Variants in PLAU observed in about 807,000 individuals in gnomAD.
PLAU encodes plasminogen activator, urokinase.
In PLAU, 32 loss-of-function variants were observed where a neutral mutation model predicts 48.9. The observed-to-expected ratio is 0.65, with a 90% CI of 0.49 to 0.88. The LOEUF (loss-of-function observed/expected upper bound fraction) is 0.88, where lower values mean the gene tolerates loss of function less well. Among genes scored for constraint, PLAU ranks in the 40% least tolerant of loss-of-function variants. PLAU has a pLI of 0.00. For missense variants in PLAU, 455 were observed against 545.2 expected (o/e 0.83, Z 1.65); for synonymous variants, 199 against 205.7 (o/e 0.97, Z 0.28).
At chr10:73,913,194 G>C in intron 5 of PLAU, 96 bp downstream of exon 5, 1 of 1,574,678 alleles carries the variant, frequency 6.4e-7, no homozygotes, top group Non-Finnish European at 8.7e-7. Context: ...CATAGCACAA[G>C]AGAAGTGCGG....
intron 8 of PLAU, 57 bp downstream of exon 8, chr10:73,914,185 A>C: frequency 6.3e-7 from 1 of 1,587,446 alleles, no homozygotes; most frequent in Non-Finnish European, 8.6e-7. Context: ...AGTGGGACCC[A>C]GGGAGAGACT....
rs1321974743 is a variant in PLAU at position 73,916,535 on chromosome 10, C to T, written c.1266C>T (p.His422=). The T allele has an allele frequency of 1.2e-6, 2 of 1,613,430 alleles. No individual in the cohort carries two copies. The highest frequency in any genetic ancestry group is 3.4e-4 in the Middle Eastern group (2 of 5,914). ...VSHFLPWIRS[H]TKEENGLAL is the part of the protein sequence containing the mutation. The stretch of plus-strand genomic sequence containing the variant: ...ACTTCTTACCCTGGATCCGCAGTCA[C>T]ACCAAGGAAGAGAATGGCCTGGCCC... The change falls in exon 11 of 11, where the codon CAC becomes CAT. Residue 422 remains histidine, a synonymous_variant. Coordinates refer to ENST00000372764, the MANE Select transcript of PLAU (RefSeq NM_002658.6).
chr10:73,912,352 G>T (rs754283224), intron 4 of PLAU, 30 bp downstream of exon 4: 4 of 608,470 alleles, frequency 6.6e-6, no homozygotes, highest in South Asian at 4.2e-5. Flanking sequence ...AACTGGGAGA[G>T]AAATTTGGGG....
chr10:73,911,463 C>A (rs1475328203), intron 1 of PLAU, 62 bp from the exon 2 acceptor site: 10 of 1,497,700 alleles, frequency 6.7e-6, no homozygotes, highest in South Asian at 1.2e-5. Context: ...GCGCTGCAGT[C>A]GCCCGCCTGG....
chr10:73,913,946 G>A (rs2096130516), intron 7 of PLAU, 34 bp from the exon 8 acceptor site: 2 of 1,603,926 alleles, frequency 1.2e-6, no homozygotes, highest in Admixed American at 1.7e-5. Context: ...GATTTCATGG[G>A]ACTAAGCTGT....
chr10:73,908,989 G>T (rs991435772), upstream of PLAU, among the ~76,000 whole-genome samples: 3 of 149,890 alleles, frequency 2.0e-5, no homozygotes, highest in African/African-American at 7.5e-5. Flanking sequence ...AAAAAAAAAA[G>T]AACTGTGCAC....
chr10:73,915,552 T>C (rs994174194), intron 10 of PLAU, among the ~76,000 whole-genome samples, 153 bp downstream of exon 10: 1 of 152,152 alleles, frequency 6.6e-6, no homozygotes, highest in Non-Finnish European at 1.5e-5. Context: ...CCAGTCCTTA[T>C]GTGTTTGCCA....
upstream of PLAU, chr10:73,910,044 A>T (rs527342724): frequency 6.6e-6 from 1 of 152,356 alleles, no homozygotes; most frequent in Admixed American, 6.5e-5. Context: ...TCTATGATGA[A>T]GTAAAACACT....
At chr10:73,915,018 G>A in intron 9 of PLAU, 102 bp downstream of exon 9, 2 of 1,324,014 alleles carry the variant, frequency 1.5e-6, no homozygotes, top group Non-Finnish European at 2.1e-6. Context: ...AGAGGTGGGA[G>A]CACTGAGGCG....
chr10:73,915,909 T>C lies in PLAU; in HGVS notation c.1120-480T>C, dbSNP rs535144178. On this transcript the variant is annotated intron_variant, in intron 10 of 10. Transcript: ENST00000372764. ...GAATAGTGGCAGATGACAGGGCTTT[T>C]AAAGCCAAGCAGGGGATTTTAAACT... Among the ~76,000 whole-genome samples, 410 of 152,084 alleles carry C rather than the reference T, an allele frequency of 2.7e-3. 2 individuals are homozygous for C. The highest frequency in any genetic ancestry group is 9.4e-3 in the African/African-American group (390 of 41,484).
rs1166217984 is a variant in PLAU at position 73,916,441 on chromosome 10, CTGGAAT to C, written c.1175_1180del (p.Gly392_Ile393del). ...TCCCTCCAAGGCCGCATGACTTTGACTGGAATTGTGAGCTGGGGCCGTGGATGTGCC... is the reference window on the plus strand; with the variant it reads ...TCCCTCCAAGGCCGCATGACTTTGACTGTGAGCTGGGGCCGTGGATGTGCC... On this transcript the variant is annotated inframe_deletion, in exon 11 of 11. Transcript: ENST00000372764. 1 of 1,613,740 alleles carries C rather than the reference CTGGAAT, an allele frequency of 6.2e-7. No individual in the cohort carries two copies. The highest frequency in any genetic ancestry group is 8.5e-7 in the Non-Finnish European group (1 of 1,179,904).
chr10:73,915,192 C>T, intron 9 of PLAU, 59 bp from the exon 10 acceptor site: 1 of 1,530,502 alleles, frequency 6.5e-7, no homozygotes, highest in Non-Finnish European at 8.9e-7. Context: ...CCCTCTCTGG[C>T]AGACTCCCAG....
chr10:73,914,979 C>G (rs2096133410), intron 9 of PLAU, 63 bp downstream of exon 9: 1 of 1,561,964 alleles, frequency 6.4e-7, no homozygotes, highest in Non-Finnish European at 8.8e-7. Context: ...AAAATGAGCC[C>G]AGCGTGATCA....
chr10:73,911,124 GT>G (rs2096122790), upstream of PLAU: 1 of 179,286 alleles, frequency 5.6e-6, no homozygotes, highest in African/African-American at 2.4e-5. Context: ...GGCGCCGCGG[GT>G]CGCAGCACAG....
Position 73,912,126 on chromosome 10 carries a change from G to A in PLAU, c.85+58G>A. 3 of 1,608,590 alleles carry A rather than the reference G, an allele frequency of 1.9e-6. No homozygotes were observed. The East Asian group carries it at 6.7e-5, about 36-fold the overall frequency. On this transcript the variant is annotated intron_variant, in intron 3 of 10. Transcript: ENST00000372764. ...CAGACAAGTTGGGAAGGCTTCAGGG[G>A]ACATCCCCTCCCTGCCCTCTGCTGC... is the stretch of plus-strand genomic sequence containing the variant.
At chr10:73,914,651 A>G in intron 8 of PLAU, 125 bp from the exon 9 acceptor site, 2 of 883,306 alleles carry the variant, frequency 2.3e-6, no homozygotes, top group Non-Finnish European at 3.4e-6. Context: ...ATAAGCGACC[A>G]GCAGACCTCC....
At position 73,916,371 on chromosome 10, in the gene PLAU, G is replaced by T. The variant is rs774861031; in HGVS notation, c.1120-18G>T. On this transcript the variant is annotated intron_variant, in intron 10 of 10. Coordinates refer to ENST00000372764, the MANE Select transcript of PLAU (RefSeq NM_002658.6). ...CTCACTTCTCTAGGGCTCATCTTTT[G>T]TATCTTTGGCGTCACAGGGAGACTC... 9 of 1,608,448 alleles carry T rather than the reference G, an allele frequency of 5.6e-6. No individual in the cohort carries two copies. Among genetic ancestry groups the T allele is most frequent in the Non-Finnish European group, 7.6e-6 (9 of 1,177,102 alleles).
rs1295825030 is a variant in PLAU, at chr10:73,916,467, T to A, written c.1198T>A (p.Cys400Ser). 14 of 1,613,836 alleles carry A rather than the reference T, an allele frequency of 8.7e-6. No individual in the cohort carries two copies. Among genetic ancestry groups the A allele is most frequent in the Non-Finnish European group, 1.2e-5 (14 of 1,179,918 alleles). The change falls in exon 11 of 11, where the codon TGT (cysteine) becomes AGT (serine). Residue 400 changes from cysteine (C) to serine (S), a missense_variant. By Grantham distance (112) the Cys-to-Ser change is moderately radical (BLOSUM62 -1). Coordinates refer to ENST00000372764, the MANE Select transcript of PLAU (RefSeq NM_002658.6). ...TGGAATTGTGAGCTGGGGCCGTGGA[T>A]GTGCCCTGAAGGACAAGCCAGGCGT... ...LTGIVSWGRG[C>S]ALKDKPGVYT...
intron 1 of PLAU, 142 bp from the exon 2 acceptor site, chr10:73,911,383 C>T: frequency 1.1e-5 from 10 of 912,774 alleles, no homozygotes; most frequent in East Asian, 2.6e-5. Context: ...CCGATCCAGG[C>T]TGCCCGGAGT....
Sources: allele counts gnomAD v4.1 joint callset (sites outside exome capture counted in the v4.1 genomes callset), GRCh38; gene constraint gnomAD v4.1.1; transcripts MANE v1.5; gene names NCBI Gene and HGNC (gene_info 2026-07-23, HGNC 2026-07-21).